HRH1: variants seen among roughly 807,000 people sequenced by gnomAD.
HRH1 encodes the protein histamine H1 receptor.
A neutral mutation model predicts 10.3 loss-of-function variants in HRH1; 6 were observed. The ratio of observed to expected loss-of-function variants is 0.58; its 90% CI spans 0.32 to 1.15. HRH1 has a LOEUF of 1.15. HRH1 is among the 50% of genes most tolerant of loss of function. HRH1 has a pLI of 0.05. For missense variants in HRH1, 514 were observed against 615.3 expected, an observed-to-expected ratio of 0.84 and a Z score of 1.74; for synonymous variants, 242 against 236.7, an observed-to-expected ratio of 1.02 and a Z score of -0.21.
intron 1 of HRH1, among the ~76,000 whole-genome samples, chr3:11,156,663 G>A (rs745458566): frequency 2.6e-5 from 4 of 152,148 alleles, no homozygotes; most frequent in Non-Finnish European, 5.9e-5. Context: ...TTAGAATGGG[G>A]GTATTCCTGA....
At chr3:11,207,147 G>A (rs1348765848) in intron 1 of HRH1, among the ~76,000 whole-genome samples, 1 of 152,068 alleles carries the variant, frequency 6.6e-6, no homozygotes, top group Non-Finnish European at 1.5e-5. Context: ...AGGGTTGATG[G>A]TGGGCAGGGG....
intron 1 of HRH1, among the ~76,000 whole-genome samples, chr3:11,243,464 T>A (rs937407811): frequency 1.3e-5 from 2 of 152,132 alleles, no homozygotes; most frequent in South Asian, 4.1e-4. Flanking sequence ...AGAAAGTTGA[T>A]AAAAGAGGAG....
At chr3:11,180,508 C>T (rs1390786780) in intron 1 of HRH1, among the ~76,000 whole-genome samples, 2 of 152,132 alleles carry the variant, frequency 1.3e-5, no homozygotes, top group Non-Finnish European at 2.9e-5. Flanking sequence ...GGTGGTAATG[C>T]TTGCTTGCCT....
chr3:11,202,257 G>A (rs1243302140), intron 1 of HRH1, among the ~76,000 whole-genome samples: 1 of 151,662 alleles, frequency 6.6e-6, no homozygotes, highest in East Asian at 1.9e-4. Flanking sequence ...TACAAAAATT[G>A]GCCCGGTGTG....
chr3:11,193,569 A>G (rs1254687778), intron 1 of HRH1, among the ~76,000 whole-genome samples: 4 of 151,804 alleles, frequency 2.6e-5, no homozygotes, highest in Admixed American at 2.0e-4. Flanking sequence ...CTCTGTCTTC[A>G]CATGGTGGGA....
intron 1 of HRH1, among the ~76,000 whole-genome samples, chr3:11,140,165 G>C (rs1936264294): frequency 6.6e-6 from 1 of 152,130 alleles, no homozygotes; most frequent in South Asian, 2.1e-4. Context: ...GCTGCCCTGC[G>C]ATGGGACATA....
chr3:11,201,261 C>CTGA (rs1276653106), intron 1 of HRH1, among the ~76,000 whole-genome samples: 2 of 152,218 alleles, frequency 1.3e-5, no homozygotes, highest in Non-Finnish European at 2.9e-5. Flanking sequence ...AGGCAAGCCT[C>CTGA]TGATGTGCAG....
intron 1 of HRH1, chr3:11,234,261 AC>A: frequency 1.3e-6 from 2 of 1,551,668 alleles, no homozygotes; most frequent in Admixed American, 1.8e-5. Flanking sequence ...CATTAACTTG[AC>A]CCCACCTCTT....
intron 1 of HRH1, among the ~76,000 whole-genome samples, chr3:11,168,235 G>A (rs182437157): frequency 9.8e-4 from 150 of 152,292 alleles, no homozygotes; most frequent in African/African-American, 3.5e-3. Context: ...GGCACAGTGA[G>A]TGAGGGTGAG....
At chr3:11,213,410 G>T (rs1938391099) in intron 1 of HRH1, among the ~76,000 whole-genome samples, 2 of 152,188 alleles carry the variant, frequency 1.3e-5, no homozygotes, top group Non-Finnish European at 2.9e-5. Flanking sequence ...AGGTTTGCAA[G>T]ATAAAGGAGA....
chr3:11,242,531 G>C (rs138134845), intron 1 of HRH1, among the ~76,000 whole-genome samples: 1 of 144,424 alleles, frequency 6.9e-6, no homozygotes, highest in Admixed American at 7.0e-5. Context: ...CACTGCAAAG[G>C]TCTGCGTCGC....
chr3:11,205,977 T>C (rs950509097), intron 1 of HRH1, among the ~76,000 whole-genome samples: 2 of 151,912 alleles, frequency 1.3e-5, no homozygotes, highest in Non-Finnish European at 2.9e-5. Flanking sequence ...TTTCTTTTGC[T>C]GCTATCAGAT....
upstream of HRH1, among the ~76,000 whole-genome samples, chr3:11,153,453 G>A (rs2125003700): frequency 6.6e-6 from 1 of 152,232 alleles, no homozygotes; most frequent in South Asian, 2.1e-4. Context: ...GGGCTGGTGG[G>A]ACTGCTGCTA....
intron 1 of HRH1, among the ~76,000 whole-genome samples, chr3:11,258,079 C>T (rs1222334952): frequency 6.6e-6 from 1 of 151,924 alleles, no homozygotes; most frequent in East Asian, 1.9e-4. Context: ...TATGCTTTTC[C>T]AATAACATAA....
Position 11,259,271 on chromosome 3 carries a change from C to G in HRH1, c.234C>G (p.Ala78=). 6.2e-7 allele frequency: 1 copy of G among 1,613,320 alleles called. No individual in the cohort carries two copies. The highest frequency in any genetic ancestry group is 8.5e-7 in the Non-Finnish European group (1 of 1,179,852). ...SLSVADLIVG[A]VVMPMNILYL... ...CGGTGGCGGACTTGATCGTGGGTGC[C>G]GTCGTCATGCCTATGAACATCCTCT... The change falls in exon 2 of 2, where the codon GCC becomes GCG. Residue 78 remains alanine (A), a synonymous_variant. Transcript: ENST00000431010. The surrounding 1 kb of genome is among the most constrained non-coding windows in gnomAD (Gnocchi z 4.6).
chr3:11,185,878 G>A lies in HRH1; in HGVS notation c.-36+31324G>A, dbSNP rs537084687. On this transcript the variant is annotated intron_variant, in intron 1 of 1. Coordinates refer to ENST00000431010, the MANE Select transcript of HRH1 (RefSeq NM_001098212.2). ...ACGGTAACTTCTGGGCTCTGTGCCT[G>A]ACTTCCCAGGGCTCCGGCACTTGCT... Among the ~76,000 whole-genome samples, 81 of 152,272 alleles carry A rather than the reference G, an allele frequency of 5.3e-4. 2 individuals carry two copies. In the South Asian group the frequency reaches 0.016, roughly 30 times the overall value.
intron 1 of HRH1, among the ~76,000 whole-genome samples, chr3:11,229,677 T>C (rs1334112623): frequency 6.6e-6 from 1 of 152,186 alleles, no homozygotes; most frequent in Non-Finnish European, 1.5e-5. Context: ...AAGGTTTCTC[T>C]TTAACAAAGC....
chr3:11,204,745 A>G (rs1938054664), intron 1 of HRH1, among the ~76,000 whole-genome samples: 1 of 152,322 alleles, frequency 6.6e-6, no homozygotes, highest in Middle Eastern at 3.4e-3. Context: ...CAAATGAGAA[A>G]ACAGAGGCTC....
intron 1 of HRH1, among the ~76,000 whole-genome samples, chr3:11,230,361 G>T (rs1450795476): frequency 1.3e-5 from 2 of 152,322 alleles, no homozygotes; most frequent in Admixed American, 1.3e-4. Flanking sequence ...CCCAAACCTG[G>T]CTGGGCACCA....
Sources: gnomAD v4.1 joint callset for allele counts (sites outside exome capture counted in the v4.1 genomes callset) on GRCh38, gnomAD v4.1.1 for gene constraint, Gnocchi (gnomAD v3.1) non-coding constraint, MANE v1.5 for transcripts, NCBI Gene and HGNC (gene_info 2026-07-23, HGNC 2026-07-21) for gene names.